Variants in SLC25A48 observed in about 807,000 individuals in gnomAD.
SLC25A48 encodes CTC-321K16.1.
In SLC25A48, 29 loss-of-function variants were observed where a neutral mutation model predicts 32.2. The observed-to-expected ratio is 0.90, with a 90% CI of 0.67 to 1.23. SLC25A48 has a LOEUF of 1.23. Ranked by LOEUF, SLC25A48 falls within the 50% of genes most tolerant of loss-of-function variation. SLC25A48 has a pLI of 0.00. For missense variants in SLC25A48, 399 were observed against 422.7 expected, an observed-to-expected ratio of 0.94 and a Z score of 0.49; for synonymous variants, 164 against 172.3, an observed-to-expected ratio of 0.95 and a Z score of 0.38.
rs377061861 is a variant in SLC25A48, at chr5:135,667,531, C to G, written c.-521+32575C>G. On this transcript the variant is annotated intron_variant, in intron 3 of 10. Transcript: ENST00000646290. Reference sequence around the variant, plus strand: ...CTTTCAAAACAGCTTGTGTAACCACCCTTAGCTTTCTTGTTATTTTCTCTT... The same window carrying G: ...CTTTCAAAACAGCTTGTGTAACCACGCTTAGCTTTCTTGTTATTTTCTCTT... Among the ~76,000 whole-genome samples the G allele has an allele frequency of 1.2e-4, 19 of 152,274 alleles. No individual in the cohort carries two copies. The South Asian group carries it at 3.9e-3, about 32-fold the overall frequency.
At position 135,871,710 on chromosome 5, in the gene SLC25A48, G is replaced by A. The variant is rs374679976; in HGVS notation, c.671G>A (p.Gly224Asp). The A allele has an allele frequency of 2.6e-5, 42 of 1,613,270 alleles. No individual in the cohort carries two copies. The highest frequency in any genetic ancestry group is 3.3e-5 in the South Asian group (3 of 91,000). ...PSPCAVWLAG[G>D]MAGAISWGTA... ...CCCTGTGCCGTGTGGCTGGCGGGCG[G>A]CATGGCAGGTAAGGGCAGCAGCAGC... The change falls in exon 5 of 8, where the codon GGC (glycine) becomes GAC (aspartate). Residue 224 changes from glycine to aspartate, a missense_variant. By Grantham distance (94) the Gly-to-Asp change is moderately conservative. Transcript: ENST00000681962.
intron 4 of SLC25A48, among the ~76,000 whole-genome samples, chr5:135,824,036 C>A (rs1057417725): frequency 1.3e-5 from 2 of 152,176 alleles, no homozygotes; most frequent in African/African-American, 4.8e-5. Flanking sequence ...GACCACCCCA[C>A]ACATGAAGCA....
chr5:135,800,763 C>T (rs373252436), intron 3 of SLC25A48, among the ~76,000 whole-genome samples: 15 of 151,542 alleles, frequency 9.9e-5, no homozygotes, highest in East Asian at 3.9e-4. Context: ...TGTGTACACT[C>T]TGCTGTGAAA....
chr5:135,639,621 G>A (rs1258200080), intron 3 of SLC25A48, among the ~76,000 whole-genome samples: 2 of 152,068 alleles, frequency 1.3e-5, no homozygotes, highest in Non-Finnish European at 2.9e-5. Flanking sequence ...AGAATGGAGA[G>A]AACTCAATAA....
intron 3 of SLC25A48, among the ~76,000 whole-genome samples, chr5:135,696,756 T>C (rs1353536773): frequency 6.6e-6 from 1 of 152,198 alleles, no homozygotes; most frequent in African/African-American, 2.4e-5. Context: ...CCTCCAGGTA[T>C]GCTCAGGGCT....
rs545147902 is a variant in SLC25A48 at position 135,881,005 on chromosome 5, G to A, written c.*7+908G>A. Among the ~76,000 whole-genome samples the A allele has an allele frequency of 4.0e-5, 6 of 151,842 alleles. No homozygotes were observed. The East Asian group carries it at 7.8e-4, about 20-fold the overall frequency. On this transcript the variant is annotated intron_variant, in intron 7 of 7. Coordinates refer to ENST00000681962, the MANE Select transcript of SLC25A48 (RefSeq NM_001349336.2). Reference sequence around the variant, plus strand: ...CTCACTCCCCAGGTGGGGCTGCTGCGCTGTCCCTACCTTTGCACTAATGGT... The same window carrying A: ...CTCACTCCCCAGGTGGGGCTGCTGCACTGTCCCTACCTTTGCACTAATGGT...
chr5:135,874,614 C>A, intron 6 of SLC25A48: 1 of 677,414 alleles, frequency 1.5e-6, no homozygotes, highest in Non-Finnish European at 2.7e-6. Context: ...GAACTGCCTT[C>A]TGCTCTCCCA....
chr5:135,639,437 G>T (rs1030680254), intron 3 of SLC25A48, among the ~76,000 whole-genome samples: 2 of 152,202 alleles, frequency 1.3e-5, no homozygotes, highest in African/African-American at 4.8e-5. Flanking sequence ...ATGCAATGGG[G>T]TAGGATATTG....
intron 4 of SLC25A48, among the ~76,000 whole-genome samples, chr5:135,871,103 A>T: frequency 7.9e-6 from 1 of 126,906 alleles, no homozygotes. Flanking sequence ...ACACACACAC[A>T]CACACACAGC....
At chr5:135,614,569 A>C (rs1295232352) in intron 1 of SLC25A48, among the ~76,000 whole-genome samples, 2 of 152,156 alleles carry the variant, frequency 1.3e-5, no homozygotes, top group African/African-American at 2.4e-5. Flanking sequence ...TCAAATGCTT[A>C]ATTTGTTGAT....
chr5:135,846,163 T>C (rs989357230), intron 2 of SLC25A48, among the ~76,000 whole-genome samples: 1 of 152,182 alleles, frequency 6.6e-6, no homozygotes. Context: ...GGTTGCCCGC[T>C]CTTTATGAGA....
chr5:135,614,980 C>T (rs1752154055), intron 1 of SLC25A48, among the ~76,000 whole-genome samples: 1 of 152,200 alleles, frequency 6.6e-6, no homozygotes, highest in Admixed American at 6.5e-5. Flanking sequence ...TTTCTCTTCA[C>T]CCTCTGCCAT....
intron 3 of SLC25A48, among the ~76,000 whole-genome samples, chr5:135,662,579 GC>G (rs1323976909): frequency 2.0e-5 from 3 of 152,124 alleles, no homozygotes; most frequent in African/African-American, 7.2e-5. Context: ...AGACCCCTGG[GC>G]CTGGGGCCAG....
At chr5:135,654,991 G>A (rs1394562119) in intron 3 of SLC25A48, among the ~76,000 whole-genome samples, 1 of 152,242 alleles carries the variant, frequency 6.6e-6, no homozygotes, top group Non-Finnish European at 1.5e-5. Context: ...GAGTCAGTGT[G>A]AACAGAGCTG....
intron 3 of SLC25A48, among the ~76,000 whole-genome samples, chr5:135,799,961 G>A (rs936067267): frequency 7.3e-5 from 11 of 151,692 alleles, no homozygotes; most frequent in Non-Finnish European, 1.5e-4. Context: ...GATAAGAAGA[G>A]AATATCACTC....
At chr5:135,700,390 A>AAAAAAAG in intron 3 of SLC25A48, among the ~76,000 whole-genome samples, 2 of 151,120 alleles carry the variant, frequency 1.3e-5, no homozygotes, top group South Asian at 2.1e-4. Context: ...AAAAAAAAAA[A>AAAAAAAG]AAAGAAAGAA....
At chr5:135,866,252 G>A (rs927979273) in intron 4 of SLC25A48, among the ~76,000 whole-genome samples, 2 of 152,238 alleles carry the variant, frequency 1.3e-5, no homozygotes, top group African/African-American at 4.8e-5. Context: ...CCCTTCCAGA[G>A]AGTGGCCAGG....
At chr5:135,585,231 C>T (rs114633862) in intron 1 of SLC25A48, among the ~76,000 whole-genome samples, 2,091 of 152,308 alleles carry the variant, frequency 0.014, 48 homozygotes, top group African/African-American at 0.048. Context: ...GCCCCACCTC[C>T]TGCCTCTCTC....
intron 3 of SLC25A48, among the ~76,000 whole-genome samples, chr5:135,767,191 C>CA (rs953160601): frequency 4.6e-5 from 7 of 150,640 alleles, no homozygotes; most frequent in African/African-American, 9.7e-5. Flanking sequence ...AGGTACACCC[C>CA]CCCCCCGTGA....
Sources: allele counts gnomAD v4.1 joint callset (sites outside exome capture counted in the v4.1 genomes callset), GRCh38; gene constraint gnomAD v4.1.1; transcripts MANE v1.5; gene names NCBI Gene and HGNC (gene_info 2026-07-23, HGNC 2026-07-21).